Variants in DLGAP2 observed in about 807,000 individuals in gnomAD.
DLGAP2 encodes the protein disks large-associated protein 2.
In DLGAP2, 26 loss-of-function variants were observed where a neutral mutation model predicts 100.3. That is an observed-to-expected ratio of 0.26 (90% CI 0.19 to 0.36). The LOEUF is 0.36. DLGAP2 is among the 10% of genes least tolerant of loss of function. DLGAP2 has a pLI of 1.00. For synonymous variants in DLGAP2, 886 were observed against 630.1 expected (o/e 1.41, Z -6.08); for missense variants, 1,858 against 1,453.2 (o/e 1.28, Z -4.53).
In DLGAP2 at chr8:1,027,660, C is replaced by T. The variant is rs550831356; in HGVS notation, c.73+119694C>T. Among the ~76,000 whole-genome samples the T allele has an allele frequency of 8.7e-5, 12 of 137,990 alleles. No individual in the cohort carries two copies. The South Asian group carries it at 2.0e-3, about 23-fold the overall frequency. The allele number at this position is 137,990 out of a possible 152,430, so 90.5% of individuals were successfully genotyped here. A position where few individuals can be genotyped will look rare whatever the true frequency, so the allele number is the denominator to read the frequency against. Reference sequence around the variant, plus strand: ...TTCTCCAGGTGGGGTACCAGGCGCCCGTTATTCTCCAGCTGGGGTGCCAGG... The same window carrying T: ...TTCTCCAGGTGGGGTACCAGGCGCCTGTTATTCTCCAGCTGGGGTGCCAGG... On this transcript the variant is annotated intron_variant, in intron 2 of 14. Coordinates refer to ENST00000637795, the MANE Select transcript of DLGAP2 (RefSeq NM_001346810.2).
intron 2 of DLGAP2, among the ~76,000 whole-genome samples, chr8:978,759 A>G (rs767480715): frequency 7.9e-5 from 12 of 152,242 alleles, no homozygotes; most frequent in East Asian, 3.9e-4. Flanking sequence ...AGGCATTTCA[A>G]TGGTGGGATT....
At chr8:1,134,549 C>T (rs1344201375) in intron 2 of DLGAP2, among the ~76,000 whole-genome samples, 7 of 150,530 alleles carry the variant, frequency 4.7e-5, no homozygotes, top group Non-Finnish European at 8.8e-5. Flanking sequence ...AATGATAGAA[C>T]TTACATTAAT....
At position 1,006,775 on chromosome 8, in the gene DLGAP2, C is replaced by T. The variant is rs372835261; in HGVS notation, c.73+98809C>T. ...TGGTCCTTTATCATGTCAGGGACAC[C>T]GTGTGTCTCAAGTCTCAGGATGTCC... On this transcript the variant is annotated intron_variant, in intron 2 of 14. Transcript: ENST00000637795. 4.8e-3 allele frequency among the ~76,000 whole-genome samples: 463 copies of T among 97,042 alleles called. 2 individuals carry two copies. Among genetic ancestry groups the T allele is most frequent in the African/African-American group, 0.019 (429 of 22,534 alleles). 63.7% of individuals were successfully genotyped at this position (97,042 alleles called of 152,430 possible). A position where few individuals can be genotyped will look rare whatever the true frequency, so the allele number is the denominator to read the frequency against.
intron 3 of DLGAP2, among the ~76,000 whole-genome samples, chr8:1,446,607 A>G (rs1194264532): frequency 2.0e-5 from 3 of 152,088 alleles, no homozygotes; most frequent in Non-Finnish European, 4.4e-5. Context: ...ACTTTAAAGT[A>G]GTTTTTTCCA....
intron 4 of DLGAP2, among the ~76,000 whole-genome samples, chr8:1,520,521 A>T (rs1472728383): frequency 6.6e-6 from 1 of 151,704 alleles, no homozygotes; most frequent in Non-Finnish European, 1.5e-5. Context: ...AATGGTGTGG[A>T]CTCCCCACTG....
At chr8:1,587,693 C>A (rs1368973783) in intron 6 of DLGAP2, among the ~76,000 whole-genome samples, 1 of 152,146 alleles carries the variant, frequency 6.6e-6, no homozygotes, top group Non-Finnish European at 1.5e-5. Context: ...AAAAATATAG[C>A]TACTATTAAT....
intron 4 of DLGAP2, among the ~76,000 whole-genome samples, chr8:1,518,249 A>G (rs1584978373): frequency 6.6e-6 from 1 of 152,192 alleles, no homozygotes; most frequent in Non-Finnish European, 1.5e-5. Flanking sequence ...GACTGCTCCC[A>G]AATTGCATTC....
intron 1 of DLGAP2, among the ~76,000 whole-genome samples, chr8:870,488 C>A (rs1008235170): frequency 6.6e-6 from 1 of 152,158 alleles, no homozygotes; most frequent in East Asian, 1.9e-4. Flanking sequence ...ATTCAAATTT[C>A]CTGCACTTTC....
At chr8:1,619,242 C>A (rs77232637) in intron 6 of DLGAP2, among the ~76,000 whole-genome samples, 4,080 of 152,244 alleles carry the variant, frequency 0.027, 172 homozygotes, top group African/African-American at 0.091. Context: ...AATTAGTCAT[C>A]CAGGAGGTGA....
chr8:1,062,885 A>G (rs981666502), intron 2 of DLGAP2, among the ~76,000 whole-genome samples: 4 of 152,184 alleles, frequency 2.6e-5, no homozygotes, highest in African/African-American at 7.2e-5. Context: ...TTTCCCAATA[A>G]TCACCGAGTA....
intron 10 of DLGAP2, among the ~76,000 whole-genome samples, chr8:1,671,684 C>T (rs913500775): frequency 6.6e-6 from 1 of 152,266 alleles, no homozygotes; most frequent in African/African-American, 2.4e-5. Context: ...GCTCACACCT[C>T]CTATGGCCCC....
chr8:871,724 G>A lies in DLGAP2; in HGVS notation c.19-36188G>A, dbSNP rs561310190. 1.9e-4 allele frequency among the ~76,000 whole-genome samples: 29 copies of A among 152,152 alleles called. No homozygotes were observed. The South Asian group carries it at 6.0e-3, about 32-fold the overall frequency. On this transcript the variant is annotated intron_variant, in intron 1 of 14. Coordinates refer to ENST00000637795, the MANE Select transcript of DLGAP2 (RefSeq NM_001346810.2). Reference sequence around the variant, plus strand: ...ATATGAAAAAAAAAACCAATTTGAAGTACTTCTGGTCCCACGCATTTTGGG... The same window carrying A: ...ATATGAAAAAAAAAACCAATTTGAAATACTTCTGGTCCCACGCATTTTGGG...
At chr8:1,561,510 A>G (rs1315610975) in intron 5 of DLGAP2, among the ~76,000 whole-genome samples, 1 of 152,050 alleles carries the variant, frequency 6.6e-6, no homozygotes, top group Non-Finnish European at 1.5e-5. Context: ...GAGAATCTGG[A>G]ACTTCCCATC....
intron 2 of DLGAP2, among the ~76,000 whole-genome samples, chr8:977,715 A>T (rs1800202891): frequency 8.1e-6 from 1 of 123,758 alleles, no homozygotes; most frequent in Non-Finnish European, 1.9e-5. Flanking sequence ...GAATTTTAGT[A>T]ATGTGGGGAG....
chr8:1,439,991 A>C (rs1318489550), intron 3 of DLGAP2, among the ~76,000 whole-genome samples: 1 of 152,184 alleles, frequency 6.6e-6, no homozygotes, highest in South Asian at 2.1e-4. Flanking sequence ...AAGTCACCAG[A>C]GCCACACTCT....
intron 1 of DLGAP2, among the ~76,000 whole-genome samples, chr8:799,882 C>A (rs778616235): frequency 6.6e-6 from 1 of 152,188 alleles, no homozygotes; most frequent in Non-Finnish European, 1.5e-5. Flanking sequence ...TAGGTGAGAG[C>A]CACAGCTCCC....
At chr8:1,036,342 G>A (rs879562722) in intron 2 of DLGAP2, among the ~76,000 whole-genome samples, 1 of 152,270 alleles carries the variant, frequency 6.6e-6, no homozygotes, top group Non-Finnish European at 1.5e-5. Flanking sequence ...TGCAGTGGAT[G>A]CTGGCTTGGG....
At chr8:1,364,068 G>A (rs778521232) in intron 3 of DLGAP2, among the ~76,000 whole-genome samples, 23 of 152,164 alleles carry the variant, frequency 1.5e-4, no homozygotes, top group Non-Finnish European at 2.4e-4. Context: ...CACTCCTGCC[G>A]CCTTCAGGTG....
At chr8:1,595,459 C>T (rs532426693) in intron 6 of DLGAP2, among the ~76,000 whole-genome samples, 37 of 150,792 alleles carry the variant, frequency 2.5e-4, no homozygotes, top group Non-Finnish European at 4.4e-5. Flanking sequence ...GTCAGGAGAT[C>T]GAGACCATCC....
Sources: allele counts gnomAD v4.1 joint callset (sites outside exome capture counted in the v4.1 genomes callset), GRCh38; gene constraint gnomAD v4.1.1; transcripts MANE v1.5; gene names NCBI Gene and HGNC (gene_info 2026-07-23, HGNC 2026-07-21).